The following GRM5 variants were observed in gnomAD, a reference collection of about 807,000 sequenced individuals.
The protein encoded by GRM5 is glutamate metabotropic receptor 5, also known as metabotropic glutamate receptor 5.
Under a neutral mutation model 83.1 loss-of-function variants are expected in GRM5, and 19 were observed. The ratio of observed to expected loss-of-function variants is 0.23; its 90% CI spans 0.16 to 0.34. The LOEUF (loss-of-function observed/expected upper bound fraction) is 0.34, where lower values mean the gene tolerates loss of function less well. Among genes scored for constraint, GRM5 ranks in the 10% least tolerant of loss-of-function variants. The pLI is 1.00. For synonymous variants in GRM5, 675 were observed against 633.6 expected (o/e 1.07, Z -0.98); for missense variants, 1,160 against 1,588.3 (o/e 0.73, Z 4.58).
chr11:88,617,410 C>A (rs116768295), intron 4 of GRM5, among the ~76,000 whole-genome samples: 1,606 of 152,226 alleles, frequency 0.011, 26 homozygotes, highest in African/African-American at 0.035. Context: ...GTTTCTTGGA[C>A]CTTTTTCCCC....
At chr11:88,562,183 C>G (rs1942772988) in intron 8 of GRM5, among the ~76,000 whole-genome samples, 1 of 152,154 alleles carries the variant, frequency 6.6e-6, no homozygotes, top group African/African-American at 2.4e-5. Flanking sequence ...TGATAGGTTT[C>G]TACAGTGCAA....
rs147241161 is a variant in GRM5 at position 88,631,796 on chromosome 11, T to C, written c.1147+21372A>G. Among the ~76,000 whole-genome samples, 29 of 152,274 alleles carry C rather than the reference T, an allele frequency of 1.9e-4. No individual in the cohort carries two copies. In the East Asian group the frequency reaches 3.5e-3, roughly 18 times the overall value. ...GCAGGAGGAGAAGAACATCCCTTTG[T>C]AAAGTAAATTTCCATTTGGTTACAG... On this transcript the variant is annotated intron_variant, in intron 4 of 9. Coordinates refer to ENST00000305447, the MANE Select transcript of GRM5 (RefSeq NM_001143831.3).
intron 8 of GRM5, among the ~76,000 whole-genome samples, chr11:88,531,008 A>G (rs548962649): frequency 2.6e-5 from 4 of 152,254 alleles, no homozygotes; most frequent in Non-Finnish European, 5.9e-5. Context: ...TGGGATAGAC[A>G]GAAGTTCTTT....
At chr11:89,004,744 A>G (rs1278804345) in intron 2 of GRM5, among the ~76,000 whole-genome samples, 1 of 152,182 alleles carries the variant, frequency 6.6e-6, no homozygotes, top group Non-Finnish European at 1.5e-5. Flanking sequence ...CTCTTTCTGA[A>G]GCATTTCTGA....
intron 3 of GRM5, among the ~76,000 whole-genome samples, chr11:88,799,427 G>C (rs1456896629): frequency 6.6e-6 from 1 of 151,956 alleles, no homozygotes; most frequent in African/African-American, 2.4e-5. Context: ...AGAGAATTAG[G>C]CACATTATTA....
At chr11:88,622,488 C>T (rs564670621) in intron 4 of GRM5, among the ~76,000 whole-genome samples, 1 of 152,198 alleles carries the variant, frequency 6.6e-6, no homozygotes, top group East Asian at 1.9e-4. Flanking sequence ...TCCACCTTAC[C>T]ACTATGAATA....
At chr11:89,039,484 C>T (rs1031083007) in intron 2 of GRM5, among the ~76,000 whole-genome samples, 2 of 151,970 alleles carry the variant, frequency 1.3e-5, no homozygotes, top group African/African-American at 4.8e-5. Flanking sequence ...AGAGAACTAA[C>T]TCACTATCTC....
At chr11:88,527,397 C>A (rs960912998) in intron 8 of GRM5, among the ~76,000 whole-genome samples, 4 of 152,028 alleles carry the variant, frequency 2.6e-5, no homozygotes, top group Non-Finnish European at 5.9e-5. Flanking sequence ...TGCCAGGTGA[C>A]CTCTGTTTAT....
chr11:89,036,233 G>A (rs555987831), intron 2 of GRM5, among the ~76,000 whole-genome samples: 8 of 151,956 alleles, frequency 5.3e-5, no homozygotes, highest in Non-Finnish European at 5.9e-5. Flanking sequence ...ACCAATTGGA[G>A]GAGGAAAGCG....
chr11:88,949,239 C>T (rs994221802), intron 2 of GRM5, among the ~76,000 whole-genome samples: 2 of 152,222 alleles, frequency 1.3e-5, no homozygotes, highest in African/African-American at 4.8e-5. Context: ...CATGAGCTCA[C>T]ATTCTTCCAA....
chr11:88,754,047 T>C (rs575461818), intron 3 of GRM5, among the ~76,000 whole-genome samples: 1 of 152,132 alleles, frequency 6.6e-6, no homozygotes, highest in South Asian at 2.1e-4. Context: ...CAAGATGAGA[T>C]TTGGGTAGAG....
intron 2 of GRM5, among the ~76,000 whole-genome samples, chr11:88,914,518 G>A (rs192870961): frequency 4.3e-4 from 65 of 152,232 alleles, no homozygotes; most frequent in Admixed American, 1.2e-3. Flanking sequence ...GAATCCAGGA[G>A]AGGCAGCAAG....
At chr11:89,046,386 TAGA>T (rs1001961519) in intron 2 of GRM5, among the ~76,000 whole-genome samples, 1 of 152,008 alleles carries the variant, frequency 6.6e-6, no homozygotes, top group African/African-American at 2.4e-5. Flanking sequence ...TTTTTTTTTC[TAGA>T]AGAAGAGCTG....
chr11:89,057,196 CACAA>C (rs1370519388), intron 1 of GRM5, among the ~76,000 whole-genome samples: 1 of 152,116 alleles, frequency 6.6e-6, no homozygotes, highest in African/African-American at 2.4e-5. Context: ...GTGGCCTCAT[CACAA>C]ACAGTCAGGG....
intron 2 of GRM5, among the ~76,000 whole-genome samples, chr11:88,918,374 A>G (rs1945631578): frequency 6.6e-6 from 1 of 152,052 alleles, no homozygotes; most frequent in African/African-American, 2.4e-5. Context: ...TGGCACATGT[A>G]TACATATGTA....
At chr11:88,966,106 C>A (rs1256939149) in intron 2 of GRM5, among the ~76,000 whole-genome samples, 1 of 151,988 alleles carries the variant, frequency 6.6e-6, no homozygotes, top group Non-Finnish European at 1.5e-5. Context: ...TCTGGGAAAC[C>A]TTTAAGTACT....
At chr11:88,580,676 A>G (rs1943199858) in intron 7 of GRM5, among the ~76,000 whole-genome samples, 1 of 152,170 alleles carries the variant, frequency 6.6e-6, no homozygotes, top group Admixed American at 6.5e-5. Flanking sequence ...TCTGCAATTT[A>G]TTCATTTAGA....
chr11:88,919,173 C>A (rs1945644503), intron 2 of GRM5, among the ~76,000 whole-genome samples: 1 of 137,858 alleles, frequency 7.3e-6, no homozygotes, highest in Admixed American at 7.4e-5. Context: ...AAGACATACA[C>A]TGAAAAAAAA....
chr11:89,005,103 C>A (rs1274038633), intron 2 of GRM5, among the ~76,000 whole-genome samples: 1 of 152,148 alleles, frequency 6.6e-6, no homozygotes, highest in Non-Finnish European at 1.5e-5. Flanking sequence ...ACCAACTTAG[C>A]AAAACTCTTA....
Sources: gnomAD v4.1 joint callset for allele counts (sites outside exome capture counted in the v4.1 genomes callset) on GRCh38, gnomAD v4.1.1 for gene constraint, MANE v1.5 for transcripts, NCBI Gene and HGNC (gene_info 2026-07-23, HGNC 2026-07-21) for gene names.